The following PLD1 variants were observed in gnomAD, a reference collection of about 807,000 sequenced individuals.
PLD1 encodes the protein phospholipase D1.
In PLD1, 112 loss-of-function variants were observed where a neutral mutation model predicts 137.1. The observed-to-expected ratio is 0.82, with a 90% CI of 0.70 to 0.96. The LOEUF is 0.96. Ranked by LOEUF, PLD1 falls within the 40% of genes least tolerant of loss-of-function variation. The probability of loss-of-function intolerance (pLI) is 0.00; values close to 1 mark genes in which losing one functional copy is unlikely to be tolerated. For synonymous variants in PLD1, 431 were observed against 454.7 expected (o/e 0.95, Z 0.66); for missense variants, 1,321 against 1,342.0 (o/e 0.98, Z 0.24).
At chr3:171,764,915 A>AGAAAG (rs1721801012) in intron 1 of PLD1, among the ~76,000 whole-genome samples, 1 of 31,476 alleles carries the variant, frequency 3.2e-5, no homozygotes, top group East Asian at 4.8e-4. Context: ...AAGGAAGGAA[A>AGAAAG]GAAAGAAAGG....
chr3:171,745,017 T>C (rs1025672379), intron 1 of PLD1, among the ~76,000 whole-genome samples: 10 of 152,246 alleles, frequency 6.6e-5, no homozygotes, highest in Non-Finnish European at 1.3e-4. Context: ...CCTAAATTCT[T>C]TGACCTCTTT....
intron 12 of PLD1, among the ~76,000 whole-genome samples, chr3:171,696,423 A>G (rs537608311): frequency 3.6e-4 from 55 of 152,296 alleles, no homozygotes; most frequent in African/African-American, 1.3e-3. Context: ...CAGATACATA[A>G]AATATTCTAT....
chr3:171,721,175 A>C (rs374908297), intron 8 of PLD1, among the ~76,000 whole-genome samples: 3 of 152,280 alleles, frequency 2.0e-5, no homozygotes, highest in South Asian at 4.1e-4. Flanking sequence ...GACTGAATAA[A>C]CCAGACCATG....
chr3:171,747,276 G>T (rs1024353516), intron 1 of PLD1, among the ~76,000 whole-genome samples: 1 of 152,182 alleles, frequency 6.6e-6, no homozygotes, highest in Non-Finnish European at 1.5e-5. Context: ...CAATACTAGG[G>T]CAGGTTAAGT....
At chr3:171,715,652 A>C (rs551186357) in intron 8 of PLD1, among the ~76,000 whole-genome samples, 1 of 152,010 alleles carries the variant, frequency 6.6e-6, no homozygotes, top group Non-Finnish European at 1.5e-5. Context: ...TAGTCATTAG[A>C]TATCAAGGTA....
At chr3:171,724,831 AC>A in intron 7 of PLD1, 43 bp from the exon 8 acceptor site, 1 of 1,203,618 alleles carries the variant, frequency 8.3e-7, no homozygotes, top group South Asian at 1.2e-5. Flanking sequence ...CAAATTTCCC[AC>A]TCCCACTTAG....
intron 2 of PLD1, 33 bp from the exon 3 acceptor site, chr3:171,737,692 A>G (rs1719467890): frequency 7.0e-7 from 1 of 1,432,644 alleles, no homozygotes; most frequent in African/African-American, 1.4e-5. Context: ...TTAATGCAAT[A>G]TATGATTAGC....
chr3:171,801,440 T>C (rs1454888340), intron 1 of PLD1, among the ~76,000 whole-genome samples: 1 of 152,260 alleles, frequency 6.6e-6, no homozygotes, highest in Non-Finnish European at 1.5e-5. Context: ...TTTCTTGTTT[T>C]TGTTTTGAGA....
In PLD1 at chr3:171,602,734, A is replaced by C. The variant is rs1182393301; in HGVS notation, c.*344T>G. On this transcript the variant is annotated 3_prime_UTR_variant, in exon 27 of 27. Coordinates refer to ENST00000351298, the MANE Select transcript of PLD1 (RefSeq NM_002662.5). The stretch of plus-strand genomic sequence containing the variant: ...ATCAGAGAAGAATAAGGAGATTCAG[A>C]CAACTTTTGGCAACCTAGATCACAG... 7.5e-6 allele frequency: 2 copies of C among 267,532 alleles called. No individual in the cohort carries two copies. The highest frequency in any genetic ancestry group is 1.4e-5 in the Non-Finnish European group (2 of 139,602). The allele number at this position is 267,532 out of a possible 1,614,324, so 16.6% of individuals were successfully genotyped here.
intron 1 of PLD1, among the ~76,000 whole-genome samples, chr3:171,787,805 T>C (rs1723065725): frequency 6.6e-6 from 1 of 151,722 alleles, no homozygotes; most frequent in Non-Finnish European, 1.5e-5. Context: ...CCTGGTAATT[T>C]AATGAAATTT....
chr3:171,746,878 A>G (rs1290833701), intron 1 of PLD1, among the ~76,000 whole-genome samples: 2 of 152,206 alleles, frequency 1.3e-5, no homozygotes, highest in Non-Finnish European at 2.9e-5. Context: ...GCCCCCTTCA[A>G]TACGGTGGAA....
chr3:171,729,906 C>T (rs1217832602), intron 6 of PLD1, among the ~76,000 whole-genome samples: 3 of 152,122 alleles, frequency 2.0e-5, no homozygotes, highest in African/African-American at 4.8e-5. Flanking sequence ...GGATGTTTTA[C>T]CCAAGGATTT....
intron 16 of PLD1, among the ~76,000 whole-genome samples, chr3:171,683,014 T>A (rs1005011448): frequency 6.6e-6 from 1 of 152,228 alleles, no homozygotes; most frequent in Non-Finnish European, 1.5e-5. Context: ...CTAACAAAGA[T>A]AGCATCATTG....
At chr3:171,773,498 A>G (rs891237974) in intron 1 of PLD1, among the ~76,000 whole-genome samples, 15 of 152,144 alleles carry the variant, frequency 9.9e-5, no homozygotes, top group African/African-American at 3.6e-4. Context: ...GCTACTCAGG[A>G]GGCTGAGGCA....
chr3:171,669,238 G>C (rs755021930), intron 19 of PLD1, among the ~76,000 whole-genome samples: 3 of 151,906 alleles, frequency 2.0e-5, no homozygotes, highest in Non-Finnish European at 2.9e-5. Context: ...TAATAACTAG[G>C]TGCCCTTCTC....
chr3:171,613,161 C>T (rs1448093312), intron 24 of PLD1, among the ~76,000 whole-genome samples: 1 of 152,148 alleles, frequency 6.6e-6, no homozygotes, highest in Non-Finnish European at 1.5e-5. Context: ...AAGAGCAAGA[C>T]TTCATCTCTA....
chr3:171,683,316 C>CATCCGATGA (rs1714200746), intron 16 of PLD1, among the ~76,000 whole-genome samples: 1 of 152,170 alleles, frequency 6.6e-6, no homozygotes. Context: ...CCTCGCCTAC[C>CATCCGATGA]CTTCGCTCAA....
chr3:171,610,428 A>G (rs1342579086), intron 25 of PLD1, among the ~76,000 whole-genome samples: 2 of 152,246 alleles, frequency 1.3e-5, no homozygotes, highest in East Asian at 1.9e-4. Context: ...GTGGAATGAC[A>G]TATACCAAAT....
chr3:171,762,173 T>A (rs999559486), intron 1 of PLD1, among the ~76,000 whole-genome samples: 15 of 152,150 alleles, frequency 9.9e-5, no homozygotes, highest in Non-Finnish European at 1.2e-4. Context: ...CAAGTGAAAA[T>A]GAATGATGCA....
Sources: allele counts gnomAD v4.1 joint callset (sites outside exome capture counted in the v4.1 genomes callset), GRCh38; gene constraint gnomAD v4.1.1; transcripts MANE v1.5; gene names NCBI Gene and HGNC (gene_info 2026-07-23, HGNC 2026-07-21).